PTPRT: variants seen among roughly 807,000 people sequenced by gnomAD.
The protein encoded by PTPRT is receptor-type tyrosine-protein phosphatase T.
PTPRT carries 56 observed loss-of-function variants against 176.8 expected under a neutral mutation model. The observed-to-expected ratio is 0.32, with a 90% CI of 0.26 to 0.40. The LOEUF is 0.40. Among genes scored for constraint, PTPRT ranks in the 10% least tolerant of loss-of-function variants. PTPRT has a pLI of 1.00. For synonymous variants in PTPRT, 783 were observed against 739.0 expected, an observed-to-expected ratio of 1.06 and a Z score of -0.96; for missense variants, 1,540 against 1,908.2, an observed-to-expected ratio of 0.81 and a Z score of 3.60.
intron 2 of PTPRT, among the ~76,000 whole-genome samples, chr20:42,869,722 G>C (rs531132657): frequency 6.6e-6 from 1 of 152,332 alleles, no homozygotes; most frequent in African/African-American, 2.4e-5. Flanking sequence ...TGGAATGAAT[G>C]TATTTTGTAT....
chr20:42,786,678 G>T (rs1311635918), intron 3 of PTPRT, among the ~76,000 whole-genome samples: 1 of 152,118 alleles, frequency 6.6e-6, no homozygotes, highest in Non-Finnish European at 1.5e-5. Flanking sequence ...CAATTTTCTT[G>T]TTCATTGTAC....
At chr20:42,909,245 T>C (rs1235493743) in intron 1 of PTPRT, among the ~76,000 whole-genome samples, 5 of 152,192 alleles carry the variant, frequency 3.3e-5, no homozygotes, top group Admixed American at 6.5e-5. Context: ...CATTGCTCTA[T>C]TGATCTAGCT....
intron 1 of PTPRT, among the ~76,000 whole-genome samples, chr20:42,897,309 T>G (rs925600633): frequency 2.6e-5 from 4 of 152,240 alleles, no homozygotes; most frequent in African/African-American, 9.6e-5. Flanking sequence ...TCTGTTCATT[T>G]GGTTCTTTTT....
At chr20:43,079,853 T>A (rs545736495) in intron 1 of PTPRT, among the ~76,000 whole-genome samples, 26 of 152,362 alleles carry the variant, frequency 1.7e-4, no homozygotes, top group Middle Eastern at 6.8e-3. Context: ...TTCTATCTGC[T>A]TTAATGCATT....
chr20:42,845,555 C>T (rs181054093), intron 2 of PTPRT, among the ~76,000 whole-genome samples: 8 of 152,212 alleles, frequency 5.3e-5, no homozygotes, highest in African/African-American at 1.9e-4. Context: ...AGTCTGGAAT[C>T]CTGGACTCTC....
chr20:42,566,374 G>A (rs1303869732), intron 7 of PTPRT, among the ~76,000 whole-genome samples: 3 of 152,210 alleles, frequency 2.0e-5, no homozygotes, highest in Admixed American at 6.5e-5. Context: ...GGGCTCAAGT[G>A]ATCCTCTTGC....
intron 9 of PTPRT, among the ~76,000 whole-genome samples, chr20:42,361,083 G>A (rs886424111): frequency 1.3e-5 from 2 of 152,156 alleles, no homozygotes; most frequent in Non-Finnish European, 2.9e-5. Context: ...TGCACATCCT[G>A]TGTGAACAGT....
intron 17 of PTPRT, among the ~76,000 whole-genome samples, chr20:42,159,977 G>A (rs191684252): frequency 3.9e-5 from 6 of 152,276 alleles, no homozygotes; most frequent in Admixed American, 3.3e-4. Flanking sequence ...TACGACTTCA[G>A]AAATATTGCT....
intron 1 of PTPRT, among the ~76,000 whole-genome samples, chr20:42,955,942 G>A (rs186704992): frequency 5.3e-5 from 8 of 152,260 alleles, no homozygotes; most frequent in Non-Finnish European, 8.8e-5. Flanking sequence ...AAACATCACC[G>A]CTTGCTTGGG....
intron 19 of PTPRT, among the ~76,000 whole-genome samples, chr20:42,125,246 T>G (rs1317512141): frequency 6.6e-6 from 1 of 152,220 alleles, no homozygotes; most frequent in Non-Finnish European, 1.5e-5. Flanking sequence ...TATGTTTCCT[T>G]TTGGGATCAT....
rs1024137439 is a variant in PTPRT, at chr20:42,078,984, C to T, written c.*1895G>A. On this transcript the variant is annotated 3_prime_UTR_variant, in exon 31 of 31. Transcript: ENST00000373187. The stretch of plus-strand genomic sequence containing the variant: ...CTCTTGAGGGCCAAAGCTGTACCTT[C>T]TTGAATTCTCTGCCCCTCATGCCCT... 6 of 177,932 alleles carry T rather than the reference C, an allele frequency of 3.4e-5. No homozygotes were observed. Among genetic ancestry groups the T allele is most frequent in the Non-Finnish European group, 7.2e-5 (6 of 82,834 alleles). 11.0% of individuals were successfully genotyped at this position (177,932 alleles called of 1,614,324 possible).
chr20:42,823,614 T>G (rs2077940337), intron 2 of PTPRT, among the ~76,000 whole-genome samples: 1 of 152,108 alleles, frequency 6.6e-6, no homozygotes, highest in Non-Finnish European at 1.5e-5. Context: ...AATACTCTAT[T>G]AGAATAACAG....
At chr20:42,755,656 C>A (rs1489266322) in intron 6 of PTPRT, among the ~76,000 whole-genome samples, 4 of 151,932 alleles carry the variant, frequency 2.6e-5, no homozygotes, top group African/African-American at 9.7e-5. Flanking sequence ...CAACTCTACC[C>A]CCAGGGAATT....
intron 7 of PTPRT, among the ~76,000 whole-genome samples, chr20:42,557,377 T>C (rs2072878785): frequency 6.6e-6 from 1 of 152,090 alleles, no homozygotes; most frequent in African/African-American, 2.4e-5. Context: ...AAAAAGGGCC[T>C]CTGCAACTAA....
intron 27 of PTPRT, among the ~76,000 whole-genome samples, chr20:42,095,925 A>C (rs1447177440): frequency 6.6e-6 from 1 of 152,066 alleles, no homozygotes; most frequent in African/African-American, 2.4e-5. Flanking sequence ...TCCCCTGTTC[A>C]TCTGCTCTTC....
intron 7 of PTPRT, among the ~76,000 whole-genome samples, chr20:42,631,037 C>T (rs988261170): frequency 2.6e-5 from 4 of 152,100 alleles, no homozygotes; most frequent in African/African-American, 7.2e-5. Flanking sequence ...AAAAAATCCT[C>T]GCCTAATAAA....
At chr20:43,171,735 G>C (rs1437639331) in intron 1 of PTPRT, among the ~76,000 whole-genome samples, 1 of 152,142 alleles carries the variant, frequency 6.6e-6, no homozygotes, top group Non-Finnish European at 1.5e-5. Flanking sequence ...ATCTGCTATG[G>C]AGCCCAAAAC....
At chr20:42,560,921 T>G (rs1001005344) in intron 7 of PTPRT, among the ~76,000 whole-genome samples, 2 of 152,150 alleles carry the variant, frequency 1.3e-5, no homozygotes, top group Non-Finnish European at 2.9e-5. Flanking sequence ...ACAGGGACAC[T>G]GCTCCCTCCA....
At chr20:42,482,668 G>T (rs2071407369) in intron 7 of PTPRT, among the ~76,000 whole-genome samples, 1 of 152,146 alleles carries the variant, frequency 6.6e-6, no homozygotes, top group Non-Finnish European at 1.5e-5. Flanking sequence ...AAGGAGGGAA[G>T]AGAGACTGGA....
Sources: gnomAD v4.1 joint callset for allele counts (sites outside exome capture counted in the v4.1 genomes callset) on GRCh38, gnomAD v4.1.1 for gene constraint, MANE v1.5 for transcripts, NCBI Gene and HGNC (gene_info 2026-07-23, HGNC 2026-07-21) for gene names.